Variants in CMTM1 observed in about 807,000 individuals in gnomAD.
The protein encoded by CMTM1 is CKLF-like MARVEL transmembrane domain-containing protein 1.
In CMTM1, 16 loss-of-function variants were observed where a neutral mutation model predicts 17.8. The ratio of observed to expected loss-of-function variants is 0.90; its 90% confidence interval spans 0.61 to 1.37. The LOEUF is 1.37. Ranked by LOEUF, CMTM1 falls within the 40% of genes most tolerant of loss-of-function variation. The probability of loss-of-function intolerance (pLI) is 0.00; values close to 1 mark genes in which losing one functional copy is unlikely to be tolerated. For missense variants in CMTM1, 354 were observed against 375.6 expected (o/e 0.94, Z 0.47); for synonymous variants, 169 against 154.6 (o/e 1.09, Z -0.69).
chr16:66,579,121 T>G lies in CMTM1; in HGVS notation c.*120T>G. On this transcript the variant is annotated 3_prime_UTR_variant, in exon 4 of 4. Transcript: ENST00000379500. The surrounding 1 kb of genome is among the most constrained non-coding windows in gnomAD (Gnocchi z 6.5). ...AATGTGACCATAAAATTAGGGCTGC[T>G]GCTTTTATCGAGAACACCTGCTTCC... 7.5e-7 allele frequency: 1 copy of G among 1,336,618 alleles called. No individual in the cohort carries two copies. The highest frequency in any genetic ancestry group is 1.0e-6 in the Non-Finnish European group (1 of 999,614). 82.8% of individuals were successfully genotyped at this position (1,336,618 alleles called of 1,614,324 possible). A position where few individuals can be genotyped will look rare whatever the true frequency, so the allele number is the denominator to read the frequency against.
intron 1 of CMTM1, 85 bp from the exon 2 acceptor site, chr16:66,569,851 A>G: frequency 1.0e-6 from 1 of 985,618 alleles, no homozygotes; most frequent in Non-Finnish European, 1.5e-6. Flanking sequence ...AGGCCACTGT[A>G]CTGTGATATA....
At position 66,579,013 on chromosome 16, in the gene CMTM1, C is replaced by T. The variant is rs778218654; in HGVS notation, c.*12C>T. On this transcript the variant is annotated 3_prime_UTR_variant, in exon 4 of 4. Coordinates refer to ENST00000379500, the MANE Select transcript of CMTM1 (RefSeq NM_052999.4). The surrounding 1 kb of genome is among the most constrained non-coding windows in gnomAD (Gnocchi z 6.5). ...AGAGGCCCGCCTGAAGCCAGCCCGGCGCCCTAGCAGATGCACGTGTCTGTC... is the reference window on the plus strand; with the variant it reads ...AGAGGCCCGCCTGAAGCCAGCCCGGTGCCCTAGCAGATGCACGTGTCTGTC... 1.2e-6 allele frequency: 2 copies of T among 1,611,078 alleles called. No individual in the cohort carries two copies. The highest frequency in any genetic ancestry group is 2.2e-5 in the East Asian group (1 of 44,874).
At chr16:66,575,386 G>T (rs1395910862) in intron 2 of CMTM1, 1 of 237,232 alleles carries the variant, frequency 4.2e-6, no homozygotes, top group Non-Finnish European at 6.8e-6. Flanking sequence ...TGGCAGATGG[G>T]TGATAAAATA....
Position 66,566,744 on chromosome 16 carries a change from C to T in CMTM1, c.231C>T (p.Pro77=). 4 of 1,613,882 alleles carry T rather than the reference C, an allele frequency of 2.5e-6. No homozygotes were observed. The highest frequency in any genetic ancestry group is 1.1e-5 in the South Asian group (1 of 91,074). ...CCCAAGGCAGTGAGGGCACCGCACCCTCAAGGAAAGCCACCACACGCCCAC... is the reference window on the plus strand; with the variant it reads ...CCCAAGGCAGTGAGGGCACCGCACCTTCAAGGAAAGCCACCACACGCCCAC... ...ARPQGSEGTA[P]SRKATTRPPP... The change falls in exon 1 of 4, where the codon CCC becomes CCT. Residue 77 remains proline (P), a synonymous_variant. Coordinates refer to ENST00000379500, the MANE Select transcript of CMTM1 (RefSeq NM_052999.4). The surrounding 1 kb of genome is among the most constrained non-coding windows in gnomAD (Gnocchi z 4.9).
Position 66,566,846 on chromosome 16 carries a change from A to T in CMTM1, c.333A>T (p.Lys111Asn). The T allele has an allele frequency of 6.2e-7, 1 of 1,614,106 alleles. No individual in the cohort carries two copies. ...AACTCTTAAATGAGATGGCGATCAA[A>T]GAGCGCGTGGAGGGCCGAGCCAAAG... is the stretch of plus-strand genomic sequence containing the variant. ...ESKLLNEMAI[K>N]ERVEGRAKVP... The change falls in exon 1 of 4, where the codon AAA becomes AAT. Residue 111 changes from lysine (K) to asparagine (N), a missense_variant. Transcript: ENST00000379500. This position sits in a 1 kb window ranked among gnomAD's most constrained non-coding sequence, Gnocchi z 4.9.
Position 66,566,942 on chromosome 16 carries a change from ACTGGTGAGCGGAGAG to A in CMTM1, c.432+6_432+20del. The A allele has an allele frequency of 1.2e-6, 2 of 1,614,104 alleles. No individual in the cohort carries two copies. The highest frequency in any genetic ancestry group is 1.7e-6 in the Non-Finnish European group (2 of 1,180,010). On this transcript the variant is annotated splice_donor_variant and splice_donor_5th_base_variant and coding_sequence_variant and intron_variant, in exon 1 of 4. Transcript: ENST00000379500. LOFTEE classifies it high-confidence loss of function. This position sits in a 1 kb window ranked among gnomAD's most constrained non-coding sequence, Gnocchi z 4.9. Reference sequence around the variant, plus strand: ...CCACTGGAATGTTGAAGATCCTGAGACTGGTGAGCGGAGAGCTGGTGAGACCTAGCTGGGCGGATG... The same window carrying A: ...CCACTGGAATGTTGAAGATCCTGAGACTGGTGAGACCTAGCTGGGCGGATG...
At chr16:66,567,158 T>TTC in intron 1 of CMTM1, 1 of 643,534 alleles carries the variant, frequency 1.6e-6, no homozygotes, top group South Asian at 1.8e-5. Flanking sequence ...TTTTTTCTTT[T>TTC]TTTTTTTTTT....
In CMTM1 at chr16:66,579,029, C is replaced by A. The variant is rs771542475; in HGVS notation, c.*28C>A. ...CCAGCCCGGCGCCCTAGCAGATGCA[C>A]GTGTCTGTCGAATCGCTGCCTCCGA... On this transcript the variant is annotated 3_prime_UTR_variant, in exon 4 of 4. Transcript: ENST00000379500. The surrounding 1 kb of genome is among the most constrained non-coding windows in gnomAD (Gnocchi z 6.5). 4 of 1,606,662 alleles carry A rather than the reference C, an allele frequency of 2.5e-6. No homozygotes were observed. In the African/African-American group the frequency reaches 4.0e-5, roughly 16 times the overall value.
chr16:66,577,602 C>CAGGA (rs1479210135), intron 3 of CMTM1, among the ~76,000 whole-genome samples: 4 of 151,880 alleles, frequency 2.6e-5, no homozygotes, highest in African/African-American at 7.3e-5. Flanking sequence ...CCAGCCTATT[C>CAGGA]AGGAAGGAAG....
At chr16:66,578,388 G>A (rs572975041) in intron 3 of CMTM1, among the ~76,000 whole-genome samples, 3 of 152,256 alleles carry the variant, frequency 2.0e-5, no homozygotes, top group East Asian at 3.9e-4. Context: ...CCTTCTCAGC[G>A]GCTCTGGAGG....
intron 2 of CMTM1, among the ~76,000 whole-genome samples, chr16:66,573,651 A>AT (rs2013842449): frequency 6.8e-6 from 1 of 147,996 alleles, no homozygotes; most frequent in African/African-American, 2.5e-5. Context: ...CAAATACTAC[A>AT]TTTTGTGAAA....
rs1436272719 is a variant in CMTM1, at chr16:66,566,455, G to A, written c.-59G>A. 2.0e-6 allele frequency: 3 copies of A among 1,503,618 alleles called. No homozygotes were observed. The highest frequency in any genetic ancestry group is 1.4e-5 in the African/African-American group (1 of 69,916). 93.1% of individuals were successfully genotyped at this position (1,503,618 alleles called of 1,614,324 possible). On this transcript the variant is annotated 5_prime_UTR_variant, in exon 1 of 4. Transcript: ENST00000379500. The surrounding 1 kb of genome is among the most constrained non-coding windows in gnomAD (Gnocchi z 4.9). The stretch of plus-strand genomic sequence containing the variant: ...CGTTGGGACGCGACGCTGGTTCCCA[G>A]GGGAGAGCCAGCCGCTGCCGCGGCA...
chr16:66,576,367 T>C (rs1567378285), intron 2 of CMTM1, among the ~76,000 whole-genome samples: 1 of 151,144 alleles, frequency 6.6e-6, no homozygotes, highest in Non-Finnish European at 1.5e-5. Context: ...CATTGCACTC[T>C]AGCCTGGGTG....
chr16:66,578,196 C>T (rs2014492365), intron 3 of CMTM1, among the ~76,000 whole-genome samples: 1 of 152,222 alleles, frequency 6.6e-6, no homozygotes, highest in African/African-American at 2.4e-5. Context: ...GGTTCCCACC[C>T]CCAGGTATCC....
intron 3 of CMTM1, among the ~76,000 whole-genome samples, chr16:66,577,867 A>T (rs1019757456): frequency 6.6e-6 from 1 of 152,222 alleles, no homozygotes; most frequent in Non-Finnish European, 1.5e-5. Context: ...CAAGAAGTTA[A>T]ACAATGAGAA....
chr16:66,574,940 G>A, intron 2 of CMTM1: 29 of 985,196 alleles, frequency 2.9e-5, no homozygotes, highest in Non-Finnish European at 3.4e-5. Context: ...CAATCCTCAG[G>A]TGTAAGCTTC....
chr16:66,567,175 TACTTTA>T (rs2012637060), intron 1 of CMTM1: 2 of 612,388 alleles, frequency 3.3e-6, no homozygotes, highest in African/African-American at 3.8e-5. Context: ...TTTTTTATTA[TACTTTA>T]ACTTACGGGG....
At position 66,566,791 on chromosome 16, in the gene CMTM1, CCCCCACG is replaced by C. The variant is rs1290932270; in HGVS notation, c.282_288del (p.Thr95LeufsTer9). On this transcript the variant is annotated frameshift_variant, in exon 1 of 4. Transcript: ENST00000379500. LOFTEE classifies it high-confidence loss of function. This position sits in a 1 kb window ranked among gnomAD's most constrained non-coding sequence, Gnocchi z 4.9. Reference sequence around the variant, plus strand: ...CCACCCCCAAAGCCCACACTCCCACCCCCCACGCCCTCTGCACACACTGAATCCAAAC... The same window carrying C: ...CCACCCCCAAAGCCCACACTCCCACCCCCTCTGCACACACTGAATCCAAAC... 9 of 1,613,282 alleles carry C rather than the reference CCCCCACG, an allele frequency of 5.6e-6. No homozygotes were observed. Among genetic ancestry groups the C allele is most frequent in the Admixed American group, 1.7e-5 (1 of 59,934 alleles).
intron 1 of CMTM1, among the ~76,000 whole-genome samples, chr16:66,569,286 C>G (rs2013120637): frequency 6.6e-6 from 1 of 152,188 alleles, no homozygotes; most frequent in Non-Finnish European, 1.5e-5. Flanking sequence ...AAAATGCCAA[C>G]AGGCTTAGTC....
Sources: allele counts gnomAD v4.1 joint callset (sites outside exome capture counted in the v4.1 genomes callset), GRCh38; gene constraint gnomAD v4.1.1; non-coding constraint Gnocchi (gnomAD v3.1); transcripts MANE v1.5; gene names NCBI Gene and HGNC (gene_info 2026-07-23, HGNC 2026-07-21).